The following ME1 variants were observed in gnomAD, a reference collection of about 807,000 sequenced individuals.
ME1 encodes malic enzyme 1.
A neutral mutation model predicts 66.4 loss-of-function variants in ME1; 74 were observed. The observed-to-expected ratio is 1.11, with a 90% CI of 0.92 to 1.35. The LOEUF is 1.35. Among genes scored for constraint, ME1 ranks in the 40% most tolerant of loss-of-function variants. ME1 has a pLI of 0.00. For missense variants in ME1, 750 were observed against 694.1 expected (o/e 1.08, Z -0.90); for synonymous variants, 251 against 235.6 (o/e 1.07, Z -0.60).
intron 3 of ME1, among the ~76,000 whole-genome samples, chr6:83,380,239 C>T (rs1300546365): frequency 5.3e-5 from 8 of 151,912 alleles, no homozygotes; most frequent in African/African-American, 1.9e-4. Flanking sequence ...GGGCATTCAA[C>T]TTGGGGTAGG....
At chr6:83,293,444 A>G (rs944546928) in intron 6 of ME1, among the ~76,000 whole-genome samples, 2 of 152,038 alleles carry the variant, frequency 1.3e-5, no homozygotes, top group Non-Finnish European at 2.9e-5. Flanking sequence ...ACCACTTTCT[A>G]GTTTCTGTTT....
chr6:83,397,622 G>T (rs1366504491), intron 3 of ME1, among the ~76,000 whole-genome samples: 2 of 151,878 alleles, frequency 1.3e-5, no homozygotes, highest in African/African-American at 2.4e-5. Context: ...AACACTACTG[G>T]GTACATATCC....
rs1204185399 is a variant in ME1, at chr6:83,210,894, T to C, written c.*1030A>G. On this transcript the variant is annotated 3_prime_UTR_variant, in exon 14 of 14. Transcript: ENST00000369705. Reference sequence around the variant, plus strand: ...GATATTTTAATCTTATGTAAGGACATTTCTGATACTGGGAACTTAATTATA... The same window carrying C: ...GATATTTTAATCTTATGTAAGGACACTTCTGATACTGGGAACTTAATTATA... 6.6e-6 allele frequency: 1 copy of C among 152,238 alleles called. No individual in the cohort carries two copies. Among genetic ancestry groups the C allele is most frequent in the Non-Finnish European group, 1.5e-5 (1 of 68,044 alleles). The allele number at this position is 152,238 out of a possible 1,614,324, so 9.4% of individuals were successfully genotyped here. A position where few individuals can be genotyped will look rare whatever the true frequency, so the allele number is the denominator to read the frequency against.
intron 12 of ME1, 127 bp from the exon 13 acceptor site, chr6:83,216,723 A>G: frequency 1.7e-6 from 1 of 574,190 alleles, no homozygotes; most frequent in Non-Finnish European, 3.0e-6. Context: ...TAATATGATT[A>G]CCTAATTTCA....
chr6:83,323,520 A>AC (rs1289016174), intron 5 of ME1, among the ~76,000 whole-genome samples: 1 of 151,144 alleles, frequency 6.6e-6, no homozygotes, highest in Non-Finnish European at 1.5e-5. Context: ...CAAAAAAAAA[A>AC]CCCCAGAGGT....
chr6:83,258,861 CAG>C (rs1766831703), intron 6 of ME1, among the ~76,000 whole-genome samples: 1 of 152,138 alleles, frequency 6.6e-6, no homozygotes, highest in Non-Finnish European at 1.5e-5. Context: ...AGAGCACCAA[CAG>C]AGTTATCAAG....
Position 83,250,433 on chromosome 6 carries a change from G to A in ME1, c.814+3196C>T, listed in dbSNP as rs117133391. Reference sequence around the variant, plus strand: ...GTAAATTGGTCAAAGTCCATAGCTAGTAAAGGGCAAAGCAAATCAGTGTGA... The same window carrying A: ...GTAAATTGGTCAAAGTCCATAGCTAATAAAGGGCAAAGCAAATCAGTGTGA... On this transcript the variant is annotated intron_variant, in intron 7 of 13. Transcript: ENST00000369705. Among the ~76,000 whole-genome samples, 1,070 of 152,324 alleles carry A rather than the reference G, an allele frequency of 7.0e-3. 9 individuals are homozygous for A. Among genetic ancestry groups the A allele is most frequent in the Non-Finnish European group, 0.01 (712 of 68,034 alleles).
At chr6:83,357,821 A>G (rs1000277294) in intron 3 of ME1, among the ~76,000 whole-genome samples, 1 of 147,200 alleles carries the variant, frequency 6.8e-6, no homozygotes, top group Non-Finnish European at 1.5e-5. Context: ...TGGAACTCGG[A>G]CTGGCTCTCC....
chr6:83,392,307 T>A (rs1769636756), intron 3 of ME1: 1 of 515,372 alleles, frequency 1.9e-6, no homozygotes, highest in Non-Finnish European at 3.8e-6. Context: ...AACAACACTG[T>A]CTACATGTTC....
chr6:83,313,183 C>G (rs1015448197), intron 6 of ME1, among the ~76,000 whole-genome samples: 2 of 152,198 alleles, frequency 1.3e-5, no homozygotes, highest in African/African-American at 4.8e-5. Flanking sequence ...TTCACTACAA[C>G]TTCCCAATTT....
At chr6:83,267,300 T>C (rs1362542590) in intron 6 of ME1, among the ~76,000 whole-genome samples, 1 of 152,110 alleles carries the variant, frequency 6.6e-6, no homozygotes, top group Non-Finnish European at 1.5e-5. Flanking sequence ...CTCAAGTCTA[T>C]CCACTGCCCT....
chr6:83,250,351 T>A (rs1319460166), intron 7 of ME1, among the ~76,000 whole-genome samples: 3 of 151,992 alleles, frequency 2.0e-5, no homozygotes, highest in Non-Finnish European at 1.5e-5. Flanking sequence ...AGAAAAAAAA[T>A]AGAAGCTGTT....
intron 6 of ME1, among the ~76,000 whole-genome samples, chr6:83,265,376 A>G (rs1766970962): frequency 6.6e-6 from 1 of 152,104 alleles, no homozygotes; most frequent in Admixed American, 6.6e-5. Flanking sequence ...AACTCACAGC[A>G]GCCTCAACAT....
intron 6 of ME1, among the ~76,000 whole-genome samples, chr6:83,297,712 G>A (rs1767625194): frequency 1.3e-5 from 2 of 152,124 alleles, no homozygotes; most frequent in Admixed American, 6.6e-5. Flanking sequence ...AGCCCCGCAT[G>A]CATTAGCTAT....
At chr6:83,235,534 G>A (rs959367633) in intron 9 of ME1, among the ~76,000 whole-genome samples, 7 of 148,636 alleles carry the variant, frequency 4.7e-5, no homozygotes, top group African/African-American at 1.5e-4. Flanking sequence ...GCAGTGGCGC[G>A]ATCTCGGCTC....
chr6:83,321,355 C>G (rs1193897700), intron 5 of ME1, among the ~76,000 whole-genome samples: 1 of 152,174 alleles, frequency 6.6e-6, no homozygotes, highest in Admixed American at 6.5e-5. Context: ...GCCAACTGGT[C>G]TTGCTCAGCA....
At chr6:83,224,006 C>G (rs1332823944) in intron 11 of ME1, 73 bp from the exon 12 acceptor site, 4 of 1,307,502 alleles carry the variant, frequency 3.1e-6, no homozygotes, top group Admixed American at 4.1e-5. Context: ...CATAACAGAA[C>G]TACCCCACAG....
chr6:83,328,212 A>C (rs1768338941), intron 5 of ME1, among the ~76,000 whole-genome samples: 1 of 152,208 alleles, frequency 6.6e-6, no homozygotes, highest in African/African-American at 2.4e-5. Flanking sequence ...AAACTAACAC[A>C]GGAACAGAAA....
At chr6:83,225,241 A>AGGGC (rs1327473706) in intron 11 of ME1, among the ~76,000 whole-genome samples, 1 of 150,020 alleles carries the variant, frequency 6.7e-6, no homozygotes, top group Admixed American at 6.7e-5. Context: ...GGCATTAACT[A>AGGGC]GGGCCTGTTA....
Sources: allele counts gnomAD v4.1 joint callset (sites outside exome capture counted in the v4.1 genomes callset), GRCh38; gene constraint gnomAD v4.1.1; transcripts MANE v1.5; gene names NCBI Gene and HGNC (gene_info 2026-07-23, HGNC 2026-07-21).